The following PLCE1 variants were observed in gnomAD, a reference collection of about 807,000 sequenced individuals.
PLCE1 encodes 1-phosphatidylinositol 4,5-bisphosphate phosphodiesterase epsilon-1.
In PLCE1, 119 loss-of-function variants were observed where a neutral mutation model predicts 242.8. That is an observed-to-expected ratio of 0.49 (90% CI 0.42 to 0.57). The LOEUF is 0.57. PLCE1 is among the 20% of genes least tolerant of loss of function. The probability of loss-of-function intolerance (pLI) is 0.00; values close to 1 mark genes in which losing one functional copy is unlikely to be tolerated. For synonymous variants in PLCE1, 945 were observed against 1,017.4 expected, an observed-to-expected ratio of 0.93 and a Z score of 1.35; for missense variants, 2,441 against 2,788.8, an observed-to-expected ratio of 0.88 and a Z score of 2.81.
intron 17 of PLCE1, among the ~76,000 whole-genome samples, chr10:94,269,720 A>G (rs911279301): frequency 2.0e-5 from 3 of 152,236 alleles, no homozygotes; most frequent in Non-Finnish European, 4.4e-5. Context: ...ACAAAGGCCA[A>G]TGTCAGGAGT....
Position 94,307,489 on chromosome 10 carries a change from T to G in PLCE1, c.5884+801T>G, listed in dbSNP as rs540059777. 2.0e-5 allele frequency among the ~76,000 whole-genome samples: 3 copies of G among 152,320 alleles called. No homozygotes were observed. In the East Asian group the frequency reaches 5.8e-4, roughly 29 times the overall value. ...TCTTCTGTGTGCAAGTAGCCCGTGG[T>G]CATTTAATTAGTCTGCTCAGGCTGC... On this transcript the variant is annotated intron_variant, in intron 26 of 32. Transcript: ENST00000371380.
intron 1 of PLCE1, among the ~76,000 whole-genome samples, chr10:94,000,276 TA>T (rs1391792843): frequency 6.6e-6 from 1 of 152,230 alleles, no homozygotes; most frequent in Non-Finnish European, 1.5e-5. Flanking sequence ...TTTCATTTTA[TA>T]AGTTTGGGAT....
At chr10:94,153,117 C>T (rs772408782) in intron 3 of PLCE1, among the ~76,000 whole-genome samples, 2 of 152,084 alleles carry the variant, frequency 1.3e-5, no homozygotes, top group South Asian at 4.1e-4. Flanking sequence ...TTGCAGTTTA[C>T]CATCTGTTCT....
chr10:94,144,163 AG>A lies in PLCE1; in HGVS notation c.1492+11707del, dbSNP rs548299562. ...AAGTCTAGACCCAAAATCCTTAACT[AG>A]GGTTGACCAGCTTGTAGGAGCAAAG... On this transcript the variant is annotated intron_variant, in intron 3 of 32. Transcript: ENST00000371380. Among the ~76,000 whole-genome samples the A allele has an allele frequency of 1.3e-3, 198 of 152,304 alleles. 2 individuals are homozygous for A. The highest frequency in any genetic ancestry group is 3.9e-3 in the African/African-American group (161 of 41,566).
rs751032226 is a variant in PLCE1 at position 94,325,105 on chromosome 10, G to T, written c.*24+1G>T. ...ACTAAGGGCAGCATGTTTAACCCAG[G>T]TATAGTAAGTCATTGCACCATCCTG... On this transcript the variant is annotated splice_donor_variant, in intron 32 of 32. Transcript: ENST00000371380. LOFTEE classifies it low-confidence loss of function (3UTR_SPLICE). The T allele has an allele frequency of 6.2e-7, 1 of 1,601,704 alleles. No homozygotes were observed. Among genetic ancestry groups the T allele is most frequent in the African/African-American group, 1.3e-5 (1 of 74,620 alleles).
At position 94,313,298 on chromosome 10, in the gene PLCE1, C is replaced by G; in HGVS notation, c.6048C>G (p.Val2016=). The G allele has an allele frequency of 6.2e-7, 1 of 1,614,086 alleles. No homozygotes were observed. ...EERKCLQTHR[V]TVHGVPGPEP... is the part of the protein sequence containing the mutation. ...GAAAATGTTTGCAGACTCACAGAGTCACGGTGCATGGGGTCCCAGGGCCAG... is the reference window on the plus strand; with the variant it reads ...GAAAATGTTTGCAGACTCACAGAGTGACGGTGCATGGGGTCCCAGGGCCAG... The change falls in exon 28 of 33, where the codon GTC becomes GTG. Residue 2016 remains valine (V), a synonymous_variant. Transcript: ENST00000371380.
Position 94,031,449 on chromosome 10 carries a change from T to C in PLCE1, c.403T>C (p.Cys135Arg). 1 of 1,613,740 alleles carries C rather than the reference T, an allele frequency of 6.2e-7. No homozygotes were observed. The highest frequency in any genetic ancestry group is 8.5e-7 in the Non-Finnish European group (1 of 1,179,840). ...CAACTCTGTTGCTGAGGAAGACTTG[T>C]GTTTAGAAACTGGAATTCCTTCTCC... ...MYNSVAEEDL[C>R]LETGIPSPLE... is the part of the protein sequence containing the mutation. The change falls in exon 2 of 33, where the codon TGT becomes CGT. Residue 135 changes from cysteine to arginine, a missense_variant. Transcript: ENST00000371380.
intron 2 of PLCE1, among the ~76,000 whole-genome samples, chr10:94,109,387 C>T (rs1454248466): frequency 6.6e-6 from 1 of 152,094 alleles, no homozygotes; most frequent in Non-Finnish European, 1.5e-5. Flanking sequence ...AAATGTGACC[C>T]ACTTGAGGTT....
chr10:94,194,033 T>A lies in PLCE1; in HGVS notation c.1809+22537T>A, dbSNP rs138167189. On this transcript the variant is annotated intron_variant, in intron 4 of 32. Coordinates refer to ENST00000371380, the MANE Select transcript of PLCE1 (RefSeq NM_016341.4). ...TCTTAACAGTTAAAAGATGTTTACTTCACACTGTTTTAAAGTATAATGATA... is the reference window on the plus strand; with the variant it reads ...TCTTAACAGTTAAAAGATGTTTACTACACACTGTTTTAAAGTATAATGATA... Among the ~76,000 whole-genome samples, 415 of 152,358 alleles carry A rather than the reference T, an allele frequency of 2.7e-3. 2 individuals are homozygous for A. Among genetic ancestry groups the A allele is most frequent in the Non-Finnish European group, 4.6e-3 (311 of 68,018 alleles).
At chr10:94,173,224 G>C (rs1015054212) in intron 4 of PLCE1, among the ~76,000 whole-genome samples, 2 of 152,178 alleles carry the variant, frequency 1.3e-5, no homozygotes, top group Non-Finnish European at 2.9e-5. Flanking sequence ...ATAGGATGCT[G>C]CTTCCCACCT....
chr10:94,255,167 C>A, intron 11 of PLCE1, 118 bp downstream of exon 11: 1 of 1,278,624 alleles, frequency 7.8e-7, no homozygotes, highest in Non-Finnish European at 1.1e-6. Flanking sequence ...TATAGTTGAA[C>A]TGAAAACTGA....
At chr10:94,321,776 A>G (rs1408225702) in intron 29 of PLCE1, 125 bp from the exon 30 acceptor site, 11 of 693,658 alleles carry the variant, frequency 1.6e-5, no homozygotes, top group Non-Finnish European at 2.8e-5. Context: ...ATAACATAGT[A>G]TATGAGATAT....
rs144369749 is a variant in PLCE1, at chr10:94,103,598, A to G, written c.1207-28576A>G. Among the ~76,000 whole-genome samples, 233 of 152,330 alleles carry G rather than the reference A, an allele frequency of 1.5e-3. 1 individual carries two copies. Among genetic ancestry groups the G allele is most frequent in the African/African-American group, 5.1e-3 (213 of 41,584 alleles). On this transcript the variant is annotated intron_variant, in intron 2 of 32. Coordinates refer to ENST00000371380, the MANE Select transcript of PLCE1 (RefSeq NM_016341.4). ...AAACCACCATGGCACGTGTGTACCT[A>G]TGTAAGAAAACTGCATGTTCTGCAC...
intron 26 of PLCE1, among the ~76,000 whole-genome samples, chr10:94,308,086 A>G (rs2053265679): frequency 6.6e-6 from 1 of 152,164 alleles, no homozygotes; most frequent in African/African-American, 2.4e-5. Context: ...TCACTTACTA[A>G]TGTATACAGT....
intron 3 of PLCE1, among the ~76,000 whole-genome samples, chr10:94,151,613 T>C (rs555062534): frequency 6.6e-6 from 1 of 152,302 alleles, no homozygotes; most frequent in South Asian, 2.1e-4. Flanking sequence ...ATAAGCCATC[T>C]GCTTAACTGC....
intron 4 of PLCE1, among the ~76,000 whole-genome samples, chr10:94,188,162 G>C (rs1348393447): frequency 6.6e-6 from 1 of 152,092 alleles, no homozygotes; most frequent in Non-Finnish European, 1.5e-5. Context: ...AGTAAAATTT[G>C]TCTTGTATTT....
chr10:94,270,199 A>AAT (rs1405647103), intron 17 of PLCE1, among the ~76,000 whole-genome samples: 6 of 152,356 alleles, frequency 3.9e-5, no homozygotes, highest in Admixed American at 1.3e-4. Context: ...TTTTACCTGC[A>AAT]ATATACTCTA....
chr10:94,326,911 A>T (rs1037238719), intron 32 of PLCE1, among the ~76,000 whole-genome samples: 2 of 152,190 alleles, frequency 1.3e-5, no homozygotes, highest in Non-Finnish European at 2.9e-5. Flanking sequence ...CTGTAATCCC[A>T]GCACTTTGGG....
intron 2 of PLCE1, chr10:94,104,789 A>G (rs1227452207): frequency 6.6e-6 from 1 of 152,234 alleles, no homozygotes; most frequent in African/African-American, 2.4e-5. Flanking sequence ...ATGAATGTTC[A>G]TATTCCTTAT....
Sources: gnomAD v4.1 joint callset for allele counts (sites outside exome capture counted in the v4.1 genomes callset) on GRCh38, gnomAD v4.1.1 for gene constraint, MANE v1.5 for transcripts, NCBI Gene and HGNC (gene_info 2026-07-23, HGNC 2026-07-21) for gene names.